Variants in RPP30 observed in about 807,000 individuals in gnomAD.
The protein encoded by RPP30 is ribonuclease P/MRP subunit p30.
In RPP30, 36 loss-of-function variants were observed where a neutral mutation model predicts 38.6. That is an observed-to-expected ratio of 0.93 (90% CI 0.71 to 1.23). The LOEUF (loss-of-function observed/expected upper bound fraction) is 1.23. Ranked by LOEUF, RPP30 falls within the 50% of genes most tolerant of loss-of-function variation. The pLI is 0.00. For synonymous variants in RPP30, 126 were observed against 112.7 expected (o/e 1.12, Z -0.75); for missense variants, 321 against 321.7 (o/e 1.00, Z 0.02).
chr10:90,886,411 T>C (rs900453259), intron 6 of RPP30, among the ~76,000 whole-genome samples: 5 of 152,208 alleles, frequency 3.3e-5, no homozygotes, highest in Non-Finnish European at 5.9e-5. Context: ...AGGATGGCCA[T>C]GTGTTCAGAA....
At chr10:90,875,277 A>G (rs563957569) in intron 2 of RPP30, among the ~76,000 whole-genome samples, 1 of 152,320 alleles carries the variant, frequency 6.6e-6, no homozygotes, top group Admixed American at 6.5e-5. Context: ...CATTACTAAT[A>G]AGTATGTATA....
intron 10 of RPP30, among the ~76,000 whole-genome samples, chr10:90,900,015 T>A (rs1204534365): frequency 6.6e-6 from 1 of 152,250 alleles, no homozygotes; most frequent in Admixed American, 6.5e-5. Context: ...GTTAAAGAGA[T>A]CAATAAATTT....
In RPP30 at chr10:90,894,819, T is replaced by G; in HGVS notation, c.477T>G (p.Ala159=). The change falls in exon 7 of 11, where the codon GCT becomes GCG. Residue 159 remains alanine, a synonymous_variant. Coordinates refer to ENST00000371703, the MANE Select transcript of RPP30 (RefSeq NM_006413.5). ...GLAFELVYSP[A]IKDSTMRRYT... ...CTTTTGAACTTGTCTATAGCCCTGC[T>G]ATCAAAGACTCCACAATGAGAAGGT... 6.2e-7 allele frequency: 1 copy of G among 1,613,596 alleles called. No individual in the cohort carries two copies. The highest frequency in any genetic ancestry group is 8.5e-7 in the Non-Finnish European group (1 of 1,179,594).
chr10:90,901,583 G>A lies in RPP30; in HGVS notation c.*904G>A, dbSNP rs1847203743. On this transcript the variant is annotated 3_prime_UTR_variant, in exon 11 of 11. Coordinates refer to ENST00000371703, the MANE Select transcript of RPP30 (RefSeq NM_006413.5). ...TAGAAACCCCTAAAACGCTAATATT[G>A]ATTTTCCTGATAGCTGTATTAAAAA... 2.0e-5 allele frequency: 20 copies of A among 985,084 alleles called. No individual in the cohort carries two copies. Among genetic ancestry groups the A allele is most frequent in the Non-Finnish European group, 2.4e-5 (20 of 829,706 alleles). The allele number at this position is 985,084 out of a possible 1,614,324, so 61.0% of individuals were successfully genotyped here. A position where few individuals can be genotyped will look rare whatever the true frequency, so the allele number is the denominator to read the frequency against.
chr10:90,904,877 G>A (rs117840137), downstream of RPP30, among the ~76,000 whole-genome samples: 1,440 of 152,240 alleles, frequency 9.5e-3, 11 homozygotes, highest in Non-Finnish European at 0.013. Context: ...ATATTGAAGT[G>A]TCAGCTATCA....
intron 5 of RPP30, among the ~76,000 whole-genome samples, chr10:90,879,839 G>T (rs911632773): frequency 6.6e-6 from 1 of 152,152 alleles, no homozygotes; most frequent in African/African-American, 2.4e-5. Context: ...GCATTTTACT[G>T]TGTAAAATGA....
intron 1 of RPP30, among the ~76,000 whole-genome samples, chr10:90,873,309 T>C (rs774418822): frequency 1.8e-4 from 27 of 152,180 alleles, no homozygotes; most frequent in Non-Finnish European, 3.1e-4. Context: ...GGTGTGGTAA[T>C]ATATGTACAT....
intron 4 of RPP30, 142 bp from the exon 5 acceptor site, chr10:90,878,921 T>A (rs1846887277): frequency 1.6e-6 from 1 of 636,076 alleles, no homozygotes; most frequent in African/African-American, 1.9e-5. Flanking sequence ...ATGTCTTTTC[T>A]GCCAACATAC....
chr10:90,892,395 T>G (rs1209437413), intron 6 of RPP30, among the ~76,000 whole-genome samples: 1 of 152,190 alleles, frequency 6.6e-6, no homozygotes, highest in Non-Finnish European at 1.5e-5. Context: ...TTTCAAGAAT[T>G]CCTATAGCAG....
Position 90,900,718 on chromosome 10 carries a change from C to A in RPP30, c.*39C>A, listed in dbSNP as rs1360401168. 1 of 1,582,532 alleles carries A rather than the reference C, an allele frequency of 6.3e-7. No individual in the cohort carries two copies. Among genetic ancestry groups the A allele is most frequent in the Non-Finnish European group, 8.6e-7 (1 of 1,167,860 alleles). ...GTCTCTGTCAGCACTCCCTTCTTCC[C>A]TTTTATAGTTCATCAGCCACAACAA... On this transcript the variant is annotated 3_prime_UTR_variant, in exon 11 of 11. Transcript: ENST00000371703.
intron 10 of RPP30, among the ~76,000 whole-genome samples, chr10:90,900,368 G>C (rs1847186208): frequency 6.6e-6 from 1 of 152,204 alleles, no homozygotes; most frequent in Non-Finnish European, 1.5e-5. Flanking sequence ...TAATCTTTAG[G>C]AATGAATTAG....
intron 5 of RPP30, chr10:90,880,051 C>T (rs1846902986): frequency 6.6e-6 from 1 of 151,732 alleles, no homozygotes; most frequent in Non-Finnish European, 1.5e-5. Context: ...AAAGACTAGT[C>T]AAGTGTCCTA....
At chr10:90,889,804 T>G (rs1164746211) in intron 6 of RPP30, among the ~76,000 whole-genome samples, 1 of 152,186 alleles carries the variant, frequency 6.6e-6, no homozygotes, top group Non-Finnish European at 1.5e-5. Context: ...TTTTGTCATC[T>G]TCACTGTATG....
At chr10:90,900,494 A>C in intron 10 of RPP30, 76 bp from the exon 11 acceptor site, 1 of 1,430,620 alleles carries the variant, frequency 7.0e-7, no homozygotes, top group Non-Finnish European at 9.5e-7. Context: ...CTGTAAGCCA[A>C]AGTAATATGT....
chr10:90,896,218 C>A, intron 9 of RPP30, 95 bp from the exon 10 acceptor site: 3 of 1,067,486 alleles, frequency 2.8e-6, no homozygotes, highest in Non-Finnish European at 1.4e-6. Context: ...ATTAGCCTCT[C>A]AAGATGACCA....
intron 10 of RPP30, among the ~76,000 whole-genome samples, chr10:90,900,279 T>C (rs891526985): frequency 3.6e-4 from 55 of 152,386 alleles, no homozygotes; most frequent in Middle Eastern, 3.4e-3. Flanking sequence ...CATCAATGTC[T>C]GTGACTGGGT....
chr10:90,902,549 T>C (rs1847216191), downstream of RPP30, among the ~76,000 whole-genome samples: 1 of 152,176 alleles, frequency 6.6e-6, no homozygotes. Flanking sequence ...TAATGCAGTA[T>C]CCTTTATCAT....
At chr10:90,895,406 T>C (rs1257053067) in intron 7 of RPP30, 48 bp from the exon 8 acceptor site, 3 of 1,138,220 alleles carry the variant, frequency 2.6e-6, no homozygotes, top group Non-Finnish European at 3.7e-6. Flanking sequence ...TGAAACTCCT[T>C]TTTTTACATT....
At chr10:90,900,442 T>C in intron 10 of RPP30, 128 bp from the exon 11 acceptor site, 1 of 816,636 alleles carries the variant, frequency 1.2e-6, no homozygotes, top group Non-Finnish European at 1.9e-6. Context: ...TAAATGGCAC[T>C]AGCAGCCATA....
Sources: allele counts gnomAD v4.1 joint callset (sites outside exome capture counted in the v4.1 genomes callset), GRCh38; gene constraint gnomAD v4.1.1; transcripts MANE v1.5; gene names NCBI Gene and HGNC (gene_info 2026-07-23, HGNC 2026-07-21).